Variants in CCNY observed in about 807,000 individuals in gnomAD.
CCNY encodes cyclin Y, also known as cyclin-Y.
A neutral mutation model predicts 42.8 loss-of-function variants in CCNY; 19 were observed. The ratio of observed to expected loss-of-function variants is 0.44; its 90% CI spans 0.31 to 0.65. The LOEUF (loss-of-function observed/expected upper bound fraction) is 0.65, where lower values mean the gene tolerates loss of function less well. Ranked by LOEUF, CCNY falls within the 30% of genes least tolerant of loss-of-function variation. CCNY has a pLI of 0.07. For synonymous variants in CCNY, 165 were observed against 162.7 expected (o/e 1.01, Z -0.11); for missense variants, 370 against 437.3 (o/e 0.85, Z 1.37).
At chr10:35,486,069 T>C (rs1187866924) in intron 2 of CCNY, among the ~76,000 whole-genome samples, 2 of 152,228 alleles carry the variant, frequency 1.3e-5, no homozygotes, top group Admixed American at 6.5e-5. Context: ...CAATGAAGGC[T>C]GTAGGTTCCC....
chr10:35,435,373 C>T (rs16936032), intron 1 of CCNY, among the ~76,000 whole-genome samples: 2,646 of 152,252 alleles, frequency 0.017, 61 homozygotes, highest in East Asian at 0.055. Flanking sequence ...CATAAAGGCC[C>T]CTTGTAAGGG....
chr10:35,395,545 CA>C (rs1392647748), intron 1 of CCNY, among the ~76,000 whole-genome samples: 1 of 150,826 alleles, frequency 6.6e-6, no homozygotes, highest in Non-Finnish European at 1.5e-5. Flanking sequence ...TTGTGGGGGA[CA>C]GTAGAGGACG....
intron 1 of CCNY, among the ~76,000 whole-genome samples, chr10:35,476,924 A>T: frequency 6.6e-6 from 1 of 152,208 alleles, no homozygotes. Context: ...AGAAGAATCA[A>T]ATAGATGCAA....
intron 1 of CCNY, among the ~76,000 whole-genome samples, chr10:35,337,740 TA>T (rs1198031312): frequency 1.4e-5 from 2 of 143,104 alleles, no homozygotes; most frequent in East Asian, 2.1e-4. Context: ...CCGTTTTTTT[TA>T]AAAAATGATT....
chr10:35,262,297 T>G (rs2095720480), intron 3 of CCNY, among the ~76,000 whole-genome samples: 3 of 146,568 alleles, frequency 2.0e-5, no homozygotes, highest in East Asian at 2.0e-4. Context: ...ATAGTATGAG[T>G]GTCACACAGA....
chr10:35,335,502 G>A (rs753422842), upstream of CCNY, among the ~76,000 whole-genome samples: 1 of 151,908 alleles, frequency 6.6e-6, no homozygotes, highest in South Asian at 2.1e-4. Context: ...TCAAGTCCTC[G>A]GCAAAGCTCA....
At chr10:35,401,595 CA>C (rs1311176126) in intron 1 of CCNY, among the ~76,000 whole-genome samples, 1 of 148,270 alleles carries the variant, frequency 6.7e-6, no homozygotes, top group African/African-American at 2.5e-5. Flanking sequence ...TCAAAATTAG[CA>C]GTAGTAATTG....
intron 7 of CCNY, among the ~76,000 whole-genome samples, chr10:35,546,752 CTGTT>C (rs111971240): frequency 0.014 from 2,120 of 152,290 alleles, 57 homozygotes; most frequent in African/African-American, 0.049. Context: ...TGGTTCATGA[CTGTT>C]TGTTTTTTTC....
At chr10:35,328,161 G>A (rs113817132) in intron 3 of CCNY, among the ~76,000 whole-genome samples, 1 of 152,124 alleles carries the variant, frequency 6.6e-6, no homozygotes, top group African/African-American at 2.4e-5. Context: ...GCCCCCTAAC[G>A]GGCATTGAAG....
At chr10:35,333,703 T>C (rs1835973126), upstream of CCNY, among the ~76,000 whole-genome samples, 1 of 152,200 alleles carries the variant, frequency 6.6e-6, no homozygotes, top group African/African-American at 2.4e-5. Context: ...TAAGAAATAG[T>C]ATAGTGCATG....
chr10:35,401,087 T>C (rs2135229025), intron 1 of CCNY, among the ~76,000 whole-genome samples: 1 of 152,360 alleles, frequency 6.6e-6, no homozygotes, highest in Non-Finnish European at 1.5e-5. Flanking sequence ...CCGGCCCAGG[T>C]GGCAGCTGAG....
chr10:35,268,211 C>T (rs545194216), intron 3 of CCNY, among the ~76,000 whole-genome samples: 26 of 152,112 alleles, frequency 1.7e-4, no homozygotes, highest in Non-Finnish European at 2.4e-4. Flanking sequence ...TTCTTATCTT[C>T]TTGGTGTAAA....
At chr10:35,398,101 C>G (rs1002573528) in intron 1 of CCNY, among the ~76,000 whole-genome samples, 1 of 152,090 alleles carries the variant, frequency 6.6e-6, no homozygotes. Flanking sequence ...TCCTGGGGCC[C>G]GTGGAGGCTG....
chr10:35,288,702 C>G lies in CCNY; in HGVS notation c.-9+38076C>G, dbSNP rs529595004. On this transcript the variant is annotated intron_variant, in intron 3 of 11. Transcript: ENST00000374706. ...TTCATCTTTTTTCCCCATAAGGATG[C>G]CCAGTTGTGCCACAACCATTTGTTA... Among the ~76,000 whole-genome samples, 6 of 152,250 alleles carry G rather than the reference C, an allele frequency of 3.9e-5. No individual in the cohort carries two copies. The South Asian group carries it at 1.2e-3, about 32-fold the overall frequency.
intron 3 of CCNY, among the ~76,000 whole-genome samples, chr10:35,328,448 A>G (rs143465809): frequency 3.3e-5 from 5 of 152,350 alleles, no homozygotes; most frequent in Admixed American, 3.3e-4. Flanking sequence ...TGACCAATCA[A>G]CATTCATTAA....
intron 1 of CCNY, among the ~76,000 whole-genome samples, chr10:35,395,427 T>C (rs918734633): frequency 2.6e-5 from 4 of 152,118 alleles, no homozygotes; most frequent in Non-Finnish European, 5.9e-5. Flanking sequence ...GGTCATTGTA[T>C]GGAAATTACT....
intron 9 of CCNY, 142 bp downstream of exon 9, chr10:35,566,327 C>A: frequency 1.2e-6 from 1 of 860,690 alleles, no homozygotes; most frequent in Non-Finnish European, 1.7e-6. Flanking sequence ...TATAGCTGGG[C>A]AGTTGATTAT....
intron 4 of CCNY, among the ~76,000 whole-genome samples, chr10:35,519,768 TTTC>T (rs1169155855): frequency 7.0e-6 from 1 of 142,788 alleles, no homozygotes; most frequent in Non-Finnish European, 1.5e-5. Flanking sequence ...TTCTTTTTCT[TTTC>T]TTTTCTTTTT....
At chr10:35,335,328 AAAAGCAAAGC>A (rs113932210), upstream of CCNY, among the ~76,000 whole-genome samples, 2 of 152,134 alleles carry the variant, frequency 1.3e-5, no homozygotes, top group African/African-American at 4.8e-5. Context: ...ATGGCATTCT[AAAAGCAAAGC>A]AAAGCAAAGC....
Sources: allele counts gnomAD v4.1 joint callset (sites outside exome capture counted in the v4.1 genomes callset), GRCh38; gene constraint gnomAD v4.1.1; transcripts MANE v1.5; gene names NCBI Gene and HGNC (gene_info 2026-07-23, HGNC 2026-07-21).